The following USP35 variants were observed in gnomAD, a reference collection of about 807,000 sequenced individuals.
USP35 encodes ubiquitin carboxyl-terminal hydrolase 35.
USP35 carries 69 observed loss-of-function variants against 83.8 expected under a neutral mutation model. That is an observed-to-expected ratio of 0.82 (90% CI 0.68 to 1.01). The LOEUF (loss-of-function observed/expected upper bound fraction) is 1.01. USP35 is among the 50% of genes least tolerant of loss of function. The pLI, the probability that USP35 is intolerant of heterozygous loss-of-function variation, is 0.00. For synonymous variants in USP35, 714 were observed against 589.5 expected (o/e 1.21, Z -3.06); for missense variants, 1,503 against 1,362.5 (o/e 1.10, Z -1.62).
rs747081065 is a variant in USP35, at chr11:78,205,936, G to A, written c.1292G>A (p.Arg431Gln). Residue 431 changes from arginine (R) to glutamine (Q), a missense_variant, in exon 7 of 11, where the codon CGG (arginine) becomes CAG (glutamine). Transcript: ENST00000529308. Reference sequence around the variant, plus strand: ...AGCGAGCTGGCGGGTTTCTATCCCCGGCTCATGGCCAAGTCAGACACGGGC... The same window carrying A: ...AGCGAGCTGGCGGGTTTCTATCCCCAGCTCATGGCCAAGTCAGACACGGGC... ...QKSELAGFYPRLMAKSDTGKI... is the reference protein window; with the variant it reads ...QKSELAGFYPQLMAKSDTGKI... 6 of 1,614,132 alleles carry A rather than the reference G, an allele frequency of 3.7e-6. No homozygotes were observed. Among genetic ancestry groups the A allele is most frequent in the African/African-American group, 1.3e-5 (1 of 74,944 alleles).
At chr11:78,227,137 C>A in the USP35 span, 1 of 931,096 alleles carries the variant, frequency 1.1e-6, no homozygotes, top group Non-Finnish European at 1.7e-6. Flanking sequence ...TCTTTCTATA[C>A]TTTGGTTTAG....
At chr11:78,213,330 G>A (rs1863876033) in intron 10 of USP35, among the ~76,000 whole-genome samples, 1 of 152,170 alleles carries the variant, frequency 6.6e-6, no homozygotes, top group Non-Finnish European at 1.5e-5. Flanking sequence ...GAGGCCTGCG[G>A]ACAGGTTCCC....
chr11:78,205,826 C>T lies in USP35; in HGVS notation c.1198-16C>T. 1.2e-6 allele frequency: 2 copies of T among 1,600,684 alleles called. No individual in the cohort carries two copies. The highest frequency in any genetic ancestry group is 8.5e-7 in the Non-Finnish European group (1 of 1,170,658). ...TGGTGCCCACCATCCTGCCTGCCTG[C>T]TTATTCCCTCCTCAGGACCTCCATG... On this transcript the variant is annotated splice_polypyrimidine_tract_variant and intron_variant, in intron 6 of 10. Coordinates refer to ENST00000529308, the MANE Select transcript of USP35 (RefSeq NM_020798.4).
At chr11:78,190,978 A>G (rs941207396) in intron 1 of USP35, among the ~76,000 whole-genome samples, 1 of 152,138 alleles carries the variant, frequency 6.6e-6, no homozygotes, top group African/African-American at 2.4e-5. Context: ...TTTGGACCTT[A>G]TTCTGGGTCC....
the USP35 span, among the ~76,000 whole-genome samples, chr11:78,231,385 G>C: frequency 2.7e-5 from 4 of 149,782 alleles, no homozygotes; most frequent in Non-Finnish European, 5.9e-5. Context: ...GTCTCATTCT[G>C]TCTCCCAGGC....
At chr11:78,217,969 G>A (rs771124435), downstream of USP35, 49 of 152,864 alleles carry the variant, frequency 3.2e-4, no homozygotes, top group Non-Finnish European at 6.4e-4. Flanking sequence ...TCCTAGGAAC[G>A]GTCCTCATGT....
rs139748612 is a variant in USP35, at chr11:78,214,377, T to TGGGGGGGGGGG, written c.*564_*565insGGGGGGGGGGG. Reference sequence around the variant, plus strand: ...CCTTACCAAGCGCCACTGCATGGTTTTGGGGGGGGGGGCGGGGGGCTAGCT... The same window carrying TGGGGGGGGGGG: ...CCTTACCAAGCGCCACTGCATGGTTTGGGGGGGGGGGTGGGGGGGGGGGCGGGGGGCTAGCT... On this transcript the variant is annotated 3_prime_UTR_variant, in exon 11 of 11. Transcript: ENST00000529308. 6 of 52,894 alleles carry TGGGGGGGGGGG rather than the reference T, an allele frequency of 1.1e-4. 2 individuals are homozygous for TGGGGGGGGGGG. The highest frequency in any genetic ancestry group is 1.8e-4 in the Non-Finnish European group (4 of 22,392). The allele number at this position is 52,894 out of a possible 1,614,324, so 3.3% of individuals were successfully genotyped here.
In USP35 at chr11:78,208,859, G is replaced by A. The variant is rs759520803; in HGVS notation, c.1488G>A (p.Arg496=). The change falls in exon 9 of 11, where the codon CGG becomes CGA. Residue 496 remains arginine, a splice_region_variant and synonymous_variant. Coordinates refer to ENST00000529308, the MANE Select transcript of USP35 (RefSeq NM_020798.4). Reference sequence around the variant, plus strand: ...GCCTTTCGCCTGCCTTGTCCTAGCGGCCTGCCATTTCCCCAGAGAACTTCC... The same window carrying A: ...GCCTTTCGCCTGCCTTGTCCTAGCGACCTGCCATTTCCCCAGAGAACTTCC... The part of the protein sequence containing the change: ...WLFGFLEHSQ[R]PAISPENFLS... 6.2e-7 allele frequency: 1 copy of A among 1,614,186 alleles called. No homozygotes were observed. Among genetic ancestry groups the A allele is most frequent in the Admixed American group, 1.7e-5 (1 of 60,028 alleles).
intron 8 of USP35, 108 bp from the exon 9 acceptor site, chr11:78,208,749 A>T: frequency 8.2e-7 from 1 of 1,224,148 alleles, no homozygotes. Flanking sequence ...GGAGGCCAGG[A>T]AGTTTGAGGC....
At position 78,209,537 on chromosome 11, in the gene USP35, C is replaced by T. The variant is rs2134412738; in HGVS notation, c.1682C>T (p.Pro561Leu). The T allele has an allele frequency of 6.2e-7, 1 of 1,614,120 alleles. No homozygotes were observed. Among genetic ancestry groups the T allele is most frequent in the Non-Finnish European group, 8.5e-7 (1 of 1,179,988 alleles). The change falls in exon 10 of 11, where the codon CCA becomes CTA. Residue 561 changes from proline to leucine, a missense_variant. Physicochemically the swap from Pro to Leu is moderately conservative, Grantham distance 98. Coordinates refer to ENST00000529308, the MANE Select transcript of USP35 (RefSeq NM_020798.4). ...SPSPPEEPPAPSSTSVEKMFG... is the reference protein window; with the variant it reads ...SPSPPEEPPALSSTSVEKMFG... ...TCTCCGCCCGAGGAGCCCCCGGCCC[C>T]AAGTTCAACCTCTGTGGAAAAAATG...
rs1032072772 is a variant in USP35, at chr11:78,198,610, C to T, written c.806+542C>T. 6 of 985,346 alleles carry T rather than the reference C, an allele frequency of 6.1e-6. No homozygotes were observed. In the East Asian group the frequency reaches 3.4e-4, roughly 56 times the overall value. 61.0% of individuals were successfully genotyped at this position (985,346 alleles called of 1,614,324 possible). On this transcript the variant is annotated intron_variant, in intron 3 of 10. Transcript: ENST00000529308. The stretch of plus-strand genomic sequence containing the variant: ...CTTTGCCTATGCAGACCCCGTCCAC[C>T]TGGCATGCCTCCCTCTGCCATTCTT...
chr11:78,223,981 C>A, the USP35 span, among the ~76,000 whole-genome samples: 1 of 152,098 alleles, frequency 6.6e-6, no homozygotes, highest in Non-Finnish European at 1.5e-5. Flanking sequence ...ACTCAGGAGG[C>A]TGAGGCACGA....
Position 78,196,288 on chromosome 11 carries a change from G to C in USP35, c.43G>C (p.Val15Leu), listed in dbSNP as rs776528019. The change falls in exon 2 of 11, where the codon GTC becomes CTC. Residue 15 changes from valine (V) to leucine (L), a missense_variant. Val to Leu is a conservative substitution (Grantham distance 32). Coordinates refer to ENST00000529308, the MANE Select transcript of USP35 (RefSeq NM_020798.4). This position sits in a 1 kb window ranked among gnomAD's most constrained non-coding sequence, Gnocchi z 4.8. ...LEAVVTSSYP[V>L]SVKQGLVRRV... ...GGCGGTGGTGACGTCGTCATACCCG[G>C]TCAGCGTGAAGCAGGGGCTGGTTCG... is the stretch of plus-strand genomic sequence containing the variant. 13 of 1,595,206 alleles carry C rather than the reference G, an allele frequency of 8.1e-6. No individual in the cohort carries two copies. The South Asian group carries it at 1.2e-4, about 15-fold the overall frequency.
chr11:78,232,570 G>A, the USP35 span, among the ~76,000 whole-genome samples: 1 of 152,164 alleles, frequency 6.6e-6, no homozygotes, highest in South Asian at 2.1e-4. Flanking sequence ...TTAGCTCAGT[G>A]GAAGACCTGC....
chr11:78,231,932 A>G, the USP35 span: 1 of 152,204 alleles, frequency 6.6e-6, no homozygotes, highest in Admixed American at 6.5e-5. Flanking sequence ...CATTTGAACT[A>G]TCCTCTTGCA....
At chr11:78,232,110 T>C in the USP35 span, among the ~76,000 whole-genome samples, 1 of 152,190 alleles carries the variant, frequency 6.6e-6, no homozygotes, top group Non-Finnish European at 1.5e-5. Flanking sequence ...AAACTAAAAG[T>C]TGTATATTTT....
chr11:78,193,067 C>T (rs1434033388), intron 1 of USP35, among the ~76,000 whole-genome samples: 1 of 152,176 alleles, frequency 6.6e-6, no homozygotes, highest in East Asian at 1.9e-4. Context: ...ATATGAAATC[C>T]ACTAGCCATC....
At chr11:78,223,774 G>T in the USP35 span, 1 of 1,020,538 alleles carries the variant, frequency 9.8e-7, no homozygotes, top group Non-Finnish European at 1.4e-6. Flanking sequence ...AGTCATGACT[G>T]GGTTAGCTAT....
chr11:78,194,021 C>T (rs920462632), intron 1 of USP35, among the ~76,000 whole-genome samples: 5 of 152,160 alleles, frequency 3.3e-5, no homozygotes, highest in Non-Finnish European at 7.3e-5. Context: ...CGTGAGCCAC[C>T]GCGCCCGGCC....
Sources: allele counts gnomAD v4.1 joint callset (sites outside exome capture counted in the v4.1 genomes callset), GRCh38; gene constraint gnomAD v4.1.1; non-coding constraint Gnocchi (gnomAD v3.1); transcripts MANE v1.5; gene names NCBI Gene and HGNC (gene_info 2026-07-23, HGNC 2026-07-21).